The following IGFL2 variants were observed in gnomAD, a reference collection of about 807,000 sequenced individuals.
IGFL2 encodes the protein insulin growth factor-like family member 2.
IGFL2 carries 7 observed loss-of-function variants against 13.9 expected under a neutral mutation model. That is an observed-to-expected ratio of 0.51 (90% CI 0.29 to 0.95). The LOEUF (loss-of-function observed/expected upper bound fraction) is 0.95. Ranked by LOEUF, IGFL2 falls within the 40% of genes least tolerant of loss-of-function variation. The probability of loss-of-function intolerance (pLI) is 0.08; values close to 1 mark genes in which losing one functional copy is unlikely to be tolerated. For missense variants in IGFL2, 138 were observed against 147.8 expected (o/e 0.93, Z 0.34); for synonymous variants, 55 against 55.8 (o/e 0.99, Z 0.07).
chr19:46,156,277 A>G (rs1973819305), intron 1 of IGFL2, among the ~76,000 whole-genome samples: 1 of 152,178 alleles, frequency 6.6e-6, no homozygotes, highest in African/African-American at 2.4e-5. Flanking sequence ...TTTCCCATTT[A>G]CTTAGGTGTT....
At chr19:46,113,223 A>G in the IGFL2 span, 1 of 189,358 alleles carries the variant, frequency 5.3e-6, no homozygotes, top group Admixed American at 6.2e-5. Context: ...TTAGAGGGAG[A>G]TGAAAAGACG....
chr19:46,142,029 C>T (rs947986368), upstream of IGFL2, among the ~76,000 whole-genome samples: 12 of 152,184 alleles, frequency 7.9e-5, no homozygotes, highest in African/African-American at 2.9e-4. Flanking sequence ...CAATAATACT[C>T]TCATAATTCT....
the IGFL2 span, chr19:46,195,794 C>T: frequency 6.6e-6 from 1 of 152,260 alleles, no homozygotes; most frequent in Non-Finnish European, 1.5e-5. Context: ...CACAGGATGG[C>T]TTCACACCTC....
At chr19:46,200,900 A>G in the IGFL2 span, 2 of 152,252 alleles carry the variant, frequency 1.3e-5, no homozygotes, top group Non-Finnish European at 2.9e-5. Flanking sequence ...GTCATGAAGG[A>G]AGATTTCACT....
At chr19:46,181,058 A>T in the IGFL2 span, among the ~76,000 whole-genome samples, 1 of 152,324 alleles carries the variant, frequency 6.6e-6, no homozygotes, top group South Asian at 2.1e-4. Context: ...TATTCAATCA[A>T]GTTGATACTT....
intron 1 of IGFL2, among the ~76,000 whole-genome samples, chr19:46,149,477 G>A (rs571980223): frequency 8.0e-5 from 12 of 150,486 alleles, no homozygotes; most frequent in Non-Finnish European, 1.3e-4. Flanking sequence ...TTTTACCTCC[G>A]AGTCACCTGG....
chr19:46,087,534 C>A, the IGFL2 span, among the ~76,000 whole-genome samples: 12 of 152,262 alleles, frequency 7.9e-5, no homozygotes, highest in Admixed American at 2.6e-4. Flanking sequence ...TAGGGTGATC[C>A]TCAGGCTGCC....
At chr19:46,160,370 C>T (rs748362068) in intron 1 of IGFL2, 45 bp from the exon 2 acceptor site, 2 of 1,571,702 alleles carry the variant, frequency 1.3e-6, no homozygotes, top group Non-Finnish European at 8.7e-7. Context: ...AACCTAGTGG[C>T]CACACTTCCA....
At chr19:46,098,402 T>C in the IGFL2 span, among the ~76,000 whole-genome samples, 1 of 152,068 alleles carries the variant, frequency 6.6e-6, no homozygotes, top group African/African-American at 2.4e-5. Context: ...TATCATTGCA[T>C]GGAGATGGGC....
At chr19:46,089,027 T>C in the IGFL2 span, among the ~76,000 whole-genome samples, 1 of 152,206 alleles carries the variant, frequency 6.6e-6, no homozygotes, top group African/African-American at 2.4e-5. Flanking sequence ...TGCTATTTTG[T>C]TTATTGTTTT....
intron 1 of IGFL2, among the ~76,000 whole-genome samples, chr19:46,158,167 A>T (rs1973924956): frequency 6.6e-6 from 1 of 152,168 alleles, no homozygotes; most frequent in African/African-American, 2.4e-5. Flanking sequence ...TGTAAAACTC[A>T]ACTAGTAAAG....
At chr19:46,152,213 TACA>T (rs1470386483) in intron 1 of IGFL2, among the ~76,000 whole-genome samples, 1 of 152,140 alleles carries the variant, frequency 6.6e-6, no homozygotes, top group Non-Finnish European at 1.5e-5. Flanking sequence ...TCTTTTATCT[TACA>T]ATCCTGTTGA....
the IGFL2 span, among the ~76,000 whole-genome samples, chr19:46,081,803 G>A: frequency 6.6e-6 from 1 of 152,166 alleles, no homozygotes; most frequent in Non-Finnish European, 1.5e-5. Flanking sequence ...CATTGCACTT[G>A]GGAAATTGTT....
At chr19:46,092,878 T>C in the IGFL2 span, among the ~76,000 whole-genome samples, 2 of 152,344 alleles carry the variant, frequency 1.3e-5, no homozygotes, top group Admixed American at 6.5e-5. Context: ...ACTGTCTCTC[T>C]AAGTAGAAAT....
At chr19:46,097,583 C>A in the IGFL2 span, among the ~76,000 whole-genome samples, 1 of 152,020 alleles carries the variant, frequency 6.6e-6, no homozygotes, top group Non-Finnish European at 1.5e-5. Flanking sequence ...TTTTCTAGTT[C>A]TTTTAGTTGC....
At chr19:46,116,416 A>T in the IGFL2 span, among the ~76,000 whole-genome samples, 3 of 152,208 alleles carry the variant, frequency 2.0e-5, no homozygotes, top group Non-Finnish European at 4.4e-5. Flanking sequence ...TTTAGTAATT[A>T]AAAAAATACA....
At chr19:46,206,437 G>A in the IGFL2 span, among the ~76,000 whole-genome samples, 2 of 152,196 alleles carry the variant, frequency 1.3e-5, no homozygotes, top group Admixed American at 6.5e-5. Context: ...CTCAGCATAC[G>A]AAGCACCTAG....
chr19:46,176,111 C>T, the IGFL2 span, among the ~76,000 whole-genome samples: 116 of 146,978 alleles, frequency 7.9e-4, 2 homozygotes, highest in Middle Eastern at 0.018. Flanking sequence ...CCTCGGCCTC[C>T]TAAAGTCCTG....
the IGFL2 span, among the ~76,000 whole-genome samples, chr19:46,196,536 A>G: frequency 6.6e-6 from 1 of 152,104 alleles, no homozygotes; most frequent in Non-Finnish European, 1.5e-5. Flanking sequence ...CCACACCCAT[A>G]GCACAACGCT....
Sources: allele counts gnomAD v4.1 joint callset (sites outside exome capture counted in the v4.1 genomes callset), GRCh38; gene constraint gnomAD v4.1.1; transcripts MANE v1.5; gene names NCBI Gene and HGNC (gene_info 2026-07-23, HGNC 2026-07-21).